RBM34: variants seen among roughly 807,000 people sequenced by gnomAD.
RBM34 encodes the protein RNA binding motif protein 34, also known as RNA-binding protein 34.
RBM34 carries 39 observed loss-of-function variants against 44.6 expected under a neutral mutation model. The observed-to-expected ratio is 0.87, with a 90% CI of 0.68 to 1.14. The LOEUF (loss-of-function observed/expected upper bound fraction) is 1.14. RBM34 is among the 50% of genes most tolerant of loss of function. The pLI is 0.00. For missense variants in RBM34, 572 were observed against 517.9 expected, an observed-to-expected ratio of 1.10 and a Z score of -1.01; for synonymous variants, 194 against 184.0, an observed-to-expected ratio of 1.05 and a Z score of -0.44.
intron 8 of RBM34, among the ~76,000 whole-genome samples, chr1:235,137,085 T>C (rs1020811164): frequency 1.2e-4 from 18 of 152,214 alleles, no homozygotes; most frequent in Admixed American, 3.3e-4. Flanking sequence ...TTGTCCCTTC[T>C]TCCTGGCATA....
rs188486997 is a variant in RBM34, at chr1:235,152,520, T to C, written c.657+186A>G. ...GTATCATTTTATTAAGTAAACTCAATACATTATTTAAAAAGTTCAAGAGTC... is the reference window on the plus strand; with the variant it reads ...GTATCATTTTATTAAGTAAACTCAACACATTATTTAAAAAGTTCAAGAGTC... On this transcript the variant is annotated intron_variant, in intron 5 of 10. Transcript: ENST00000408888. The C allele has an allele frequency of 4.5e-4, 593 of 1,331,714 alleles. 1 individual carries two copies. Among genetic ancestry groups the C allele is most frequent in the Non-Finnish European group, 5.3e-4 (547 of 1,033,520 alleles). 82.5% of individuals were successfully genotyped at this position (1,331,714 alleles called of 1,614,324 possible). A position where few individuals can be genotyped will look rare whatever the true frequency, so the allele number is the denominator to read the frequency against.
At chr1:235,153,179 T>A (rs975682472) in intron 4 of RBM34, among the ~76,000 whole-genome samples, 11 of 151,762 alleles carry the variant, frequency 7.2e-5, no homozygotes, top group Non-Finnish European at 1.5e-4. Flanking sequence ...CTACTGCCAG[T>A]TTTTAAGAAC....
intron 10 of RBM34, among the ~76,000 whole-genome samples, chr1:235,132,290 CAT>C (rs1465054544): frequency 2.6e-5 from 4 of 151,838 alleles, no homozygotes; most frequent in Non-Finnish European, 4.4e-5. Context: ...CTAGATTAGT[CAT>C]ATGCAATATT....
At chr1:235,150,398 A>G (rs768104708) in intron 5 of RBM34, among the ~76,000 whole-genome samples, 1 of 152,234 alleles carries the variant, frequency 6.6e-6, no homozygotes, top group African/African-American at 2.4e-5. Flanking sequence ...ATATTAATAC[A>G]TAAGTACAAC....
chr1:235,146,369 A>G (rs1041887436), intron 6 of RBM34, among the ~76,000 whole-genome samples: 1 of 152,132 alleles, frequency 6.6e-6, no homozygotes, highest in Admixed American at 6.5e-5. Flanking sequence ...TTTTTAAAAA[A>G]TGCTATAAAA....
intron 5 of RBM34, among the ~76,000 whole-genome samples, chr1:235,149,798 T>C (rs1363084751): frequency 6.6e-6 from 1 of 152,172 alleles, no homozygotes; most frequent in Admixed American, 6.6e-5. Context: ...ATAAATGCCA[T>C]GTAGGGTAGT....
intron 10 of RBM34, among the ~76,000 whole-genome samples, chr1:235,132,333 G>A (rs1661243307): frequency 2.0e-5 from 3 of 151,390 alleles, no homozygotes; most frequent in Non-Finnish European, 4.4e-5. Flanking sequence ...TTTTTGAGAC[G>A]GAATCTCGCT....
intron 3 of RBM34, among the ~76,000 whole-genome samples, chr1:235,159,837 CCA>C (rs1312250366): frequency 1.4e-5 from 2 of 147,034 alleles, no homozygotes; most frequent in East Asian, 4.0e-4. Context: ...CCACTGCACT[CCA>C]GTCTGGACAA....
In RBM34 at chr1:235,148,447, T is replaced by A; in HGVS notation, c.658A>T (p.Ile220Phe). 1 of 1,585,498 alleles carries A rather than the reference T, an allele frequency of 6.3e-7. No homozygotes were observed. The highest frequency in any genetic ancestry group is 1.4e-5 in the African/African-American group (1 of 73,470). ...TTGGATAGCGTTCCCTCTGCTGGAATCTTTCAAGAGAAAAAAAAAAGTATT... is the reference window on the plus strand; with the variant it reads ...TTGGATAGCGTTCCCTCTGCTGGAAACTTTCAAGAGAAAAAAAAAAGTATT... ...QIESVRFRSL[I>F]PAEGTLSKKL... The change falls in exon 6 of 11, where the codon ATT becomes TTT. Residue 220 changes from isoleucine (I) to phenylalanine (F), a missense_variant and splice_region_variant. Physicochemically the swap from Ile to Phe is conservative, Grantham distance 21. Transcript: ENST00000408888.
Position 235,155,096 on chromosome 1 carries a change from T to G in RBM34, c.382A>C (p.Ser128Arg), listed in dbSNP as rs901602018. 1 of 1,612,404 alleles carries G rather than the reference T, an allele frequency of 6.2e-7. No individual in the cohort carries two copies. The highest frequency in any genetic ancestry group is 1.7e-4 in the Middle Eastern group (1 of 6,058). The change falls in exon 4 of 11, where the codon AGT becomes CGT. Residue 128 changes from serine to arginine, a missense_variant. Ser to Arg is a moderately radical substitution (Grantham distance 110). Transcript: ENST00000408888. ...TGAATTTCTTCTTCTAAATCAGCACTCGCTAGAGCGCTTTCCCTTTTTAAG... is the reference window on the plus strand; with the variant it reads ...TGAATTTCTTCTTCTAAATCAGCACGCGCTAGAGCGCTTTCCCTTTTTAAG... The part of the protein sequence containing the change: ...KLADRESALA[S>R]ADLEEEIHQK...
At chr1:235,143,874 T>G in intron 6 of RBM34, among the ~76,000 whole-genome samples, 1 of 152,208 alleles carries the variant, frequency 6.6e-6, no homozygotes, top group African/African-American at 2.4e-5. Context: ...TACCAATGCA[T>G]TGCAATAATA....
At chr1:235,139,390 G>T (rs1661578148) in intron 6 of RBM34, among the ~76,000 whole-genome samples, 3 of 152,136 alleles carry the variant, frequency 2.0e-5, no homozygotes, top group Non-Finnish European at 4.4e-5. Flanking sequence ...GACATTTTAT[G>T]TATTTCATTT....
intron 6 of RBM34, among the ~76,000 whole-genome samples, chr1:235,144,017 A>G (rs1661796869): frequency 6.6e-6 from 1 of 152,050 alleles, no homozygotes; most frequent in Admixed American, 6.6e-5. Flanking sequence ...GCTCTACTAA[A>G]AACTTAAAAA....
intron 3 of RBM34, among the ~76,000 whole-genome samples, chr1:235,156,292 C>T (rs572385287): frequency 6.6e-6 from 1 of 152,268 alleles, no homozygotes; most frequent in Non-Finnish European, 1.5e-5. Context: ...GCGTGAACCA[C>T]TGCACCTGGC....
intron 3 of RBM34, among the ~76,000 whole-genome samples, chr1:235,159,810 A>C (rs959665705): frequency 1.3e-5 from 2 of 150,968 alleles, no homozygotes; most frequent in Non-Finnish European, 2.9e-5. Flanking sequence ...TGGAGGTTGC[A>C]GTGAGCTGAG....
intron 6 of RBM34, among the ~76,000 whole-genome samples, chr1:235,143,534 T>C (rs988566212): frequency 1.3e-5 from 2 of 152,110 alleles, no homozygotes; most frequent in African/African-American, 4.8e-5. Context: ...TCAGGAGTTT[T>C]AGACCAGCCT....
intron 5 of RBM34, among the ~76,000 whole-genome samples, chr1:235,148,789 G>A (rs574573783): frequency 3.3e-5 from 5 of 151,994 alleles, no homozygotes; most frequent in African/African-American, 1.2e-4. Flanking sequence ...TAGTAGAGAT[G>A]CGGTTTCATC....
In RBM34 at chr1:235,131,684, G is replaced by T. The variant is rs890525971; in HGVS notation, c.*29C>A. On this transcript the variant is annotated 3_prime_UTR_variant, in exon 11 of 11. Transcript: ENST00000408888. Reference sequence around the variant, plus strand: ...ATAGCACTTTTATTAGCAGTACTCAGCAGGAAAAGAAAAAGCAGTTCCTGG... The same window carrying T: ...ATAGCACTTTTATTAGCAGTACTCATCAGGAAAAGAAAAAGCAGTTCCTGG... 10 of 1,567,934 alleles carry T rather than the reference G, an allele frequency of 6.4e-6. No individual in the cohort carries two copies. The highest frequency in any genetic ancestry group is 8.6e-6 in the Non-Finnish European group (10 of 1,162,108).
chr1:235,161,076 G>T lies in RBM34; in HGVS notation c.54-9C>A. The T allele has an allele frequency of 6.2e-7, 1 of 1,610,536 alleles. No individual in the cohort carries two copies. Among genetic ancestry groups the T allele is most frequent in the Non-Finnish European group, 8.5e-7 (1 of 1,177,058 alleles). On this transcript the variant is annotated splice_polypyrimidine_tract_variant and intron_variant, in intron 1 of 10. Transcript: ENST00000408888. ...CGTCGTCAGGATTCTCTCTAGAAAT[G>T]GACGACAGAAACTCAGCCACGCCAC...
Sources: allele counts gnomAD v4.1 joint callset (sites outside exome capture counted in the v4.1 genomes callset), GRCh38; gene constraint gnomAD v4.1.1; transcripts MANE v1.5; gene names NCBI Gene and HGNC (gene_info 2026-07-23, HGNC 2026-07-21).